ELFN1: variants seen among roughly 807,000 people sequenced by gnomAD.
ELFN1 encodes extracellular leucine rich repeat and fibronectin type III domain containing 1, also known as protein ELFN1.
In ELFN1, 6 loss-of-function variants were observed where a neutral mutation model predicts 7.6. The ratio of observed to expected loss-of-function variants is 0.79; its 90% CI spans 0.43 to 1.56. The LOEUF is 1.56. Ranked by LOEUF, ELFN1 falls within the 40% of genes most tolerant of loss-of-function variation. The pLI, the probability that ELFN1 is intolerant of heterozygous loss-of-function variation, is 0.01. For missense variants in ELFN1, 1,169 were observed against 1,232.2 expected (o/e 0.95, Z 0.77); for synonymous variants, 657 against 588.1 (o/e 1.12, Z -1.70).
upstream of ELFN1, among the ~76,000 whole-genome samples, chr7:1,667,653 A>G (rs1233888268): frequency 4.6e-5 from 7 of 152,070 alleles, no homozygotes; most frequent in Non-Finnish European, 1.0e-4. The surrounding 1 kb of genome is among the most constrained non-coding windows in gnomAD (Gnocchi z 8.2). Flanking sequence ...CCCAGCCCTC[A>G]GGCAGCGTGG....
At chr7:1,712,174 G>GTTTCTTTTCTTTTCT (rs372598967) in intron 3 of ELFN1, among the ~76,000 whole-genome samples, 28 of 152,152 alleles carry the variant, frequency 1.8e-4, no homozygotes, top group African/African-American at 6.8e-4. Flanking sequence ...AAGTTTGTCT[G>GTTTCTTTTCTTTTCT]TTTCTTTTCT....
intron 2 of ELFN1, among the ~76,000 whole-genome samples, chr7:1,690,309 TGGTG>T (rs1470381207): frequency 8.0e-6 from 1 of 125,308 alleles, no homozygotes; most frequent in African/African-American, 3.1e-5. Context: ...ATGGGTGGAT[TGGTG>T]GGTGGGTGGA....
In ELFN1 at chr7:1,712,323, C is replaced by T. The variant is rs1241221329; in HGVS notation, c.-294+3071C>T. 2.6e-5 allele frequency among the ~76,000 whole-genome samples: 4 copies of T among 151,920 alleles called. No homozygotes were observed. The East Asian group carries it at 5.8e-4, about 22-fold the overall frequency. On this transcript the variant is annotated intron_variant, in intron 3 of 3. Coordinates refer to ENST00000424383, the MANE Select transcript of ELFN1 (RefSeq NM_001128636.4). ...TTTTAGTAGAGACGGGGTTTCACCCCGTTAGCCAGGGTGGTCTCGATCTCC... is the reference window on the plus strand; with the variant it reads ...TTTTAGTAGAGACGGGGTTTCACCCTGTTAGCCAGGGTGGTCTCGATCTCC...
intron 3 of ELFN1, among the ~76,000 whole-genome samples, chr7:1,719,001 T>C (rs929718597): frequency 4.6e-5 from 7 of 152,090 alleles, no homozygotes; most frequent in African/African-American, 1.7e-4. Flanking sequence ...CCCAAGAGTG[T>C]CTGGGACCAG....
upstream of ELFN1, among the ~76,000 whole-genome samples, chr7:1,666,240 G>C (rs1778669059): frequency 2.0e-5 from 3 of 151,982 alleles, no homozygotes; most frequent in African/African-American, 7.2e-5. The surrounding 1 kb of genome is among the most constrained non-coding windows in gnomAD (Gnocchi z 7.9). Flanking sequence ...CTGCGGGATC[G>C]GAGGGTCCCC....
Position 1,747,086 on chromosome 7 carries a change from C to A in ELFN1, c.*3C>A, listed in dbSNP as rs1279692586. On this transcript the variant is annotated 3_prime_UTR_variant, in exon 4 of 4. Coordinates refer to ENST00000424383, the MANE Select transcript of ELFN1 (RefSeq NM_001128636.4). ...TGTCGGCCCAGCACAAGTCCTGAGC[C>A]CCCCAAGACCGGCGATGCCCACTGG... is the stretch of plus-strand genomic sequence containing the variant. 1 of 1,473,246 alleles carries A rather than the reference C, an allele frequency of 6.8e-7. No individual in the cohort carries two copies. Among genetic ancestry groups the A allele is most frequent in the Non-Finnish European group, 9.1e-7 (1 of 1,104,818 alleles). The allele number at this position is 1,473,246 out of a possible 1,614,324, so 91.3% of individuals were successfully genotyped here.
At position 1,705,787 on chromosome 7, in the gene ELFN1, G is replaced by T. The variant is rs1779517789; in HGVS notation, c.-455-3304G>T. ...GTAAAGTAGAGTCTTAGTGTCCCGG[G>T]ATGGTCCTCGGGGAGGTCTGATGAG... On this transcript the variant is annotated intron_variant, in intron 2 of 3. Coordinates refer to ENST00000424383, the MANE Select transcript of ELFN1 (RefSeq NM_001128636.4). The surrounding 1 kb of genome is among the most constrained non-coding windows in gnomAD (Gnocchi z 4.3). Among the ~76,000 whole-genome samples the T allele has an allele frequency of 6.6e-6, 1 of 152,212 alleles. No individual in the cohort carries two copies. Among genetic ancestry groups the T allele is most frequent in the Non-Finnish European group, 1.5e-5 (1 of 68,034 alleles).
intron 2 of ELFN1, among the ~76,000 whole-genome samples, chr7:1,694,582 C>G (rs566237856): frequency 2.8e-4 from 43 of 152,306 alleles, no homozygotes; most frequent in Admixed American, 5.2e-4. Context: ...AAGCAGATCC[C>G]AGGGGTACCC....
intron 1 of ELFN1, among the ~76,000 whole-genome samples, chr7:1,677,650 C>T (rs544311448): frequency 2.5e-3 from 383 of 152,252 alleles, no homozygotes; most frequent in African/African-American, 8.9e-3. Flanking sequence ...TCCTGGCCCC[C>T]CCACCCCTTT....
intron 3 of ELFN1, among the ~76,000 whole-genome samples, chr7:1,724,866 G>T (rs1780141854): frequency 1.3e-5 from 2 of 152,316 alleles, no homozygotes; most frequent in South Asian, 4.1e-4. Flanking sequence ...CTTTTGGCCT[G>T]TGTCAGCCTC....
chr7:1,687,891 TTTTA>T (rs1460490165), intron 1 of ELFN1, among the ~76,000 whole-genome samples, 163 bp from the exon 2 acceptor site: 1 of 152,176 alleles, frequency 6.6e-6, no homozygotes, highest in Non-Finnish European at 1.5e-5. Context: ...GTCTTTTTTC[TTTTA>T]TTTGTTTATT....
chr7:1,737,400 G>A (rs1049874352), intron 3 of ELFN1, among the ~76,000 whole-genome samples: 5 of 152,152 alleles, frequency 3.3e-5, no homozygotes, highest in Admixed American at 6.5e-5. Context: ...CACAGCAGGC[G>A]GTAGACTGGC....
chr7:1,693,596 G>A (rs1196505297), intron 2 of ELFN1: 1 of 471,226 alleles, frequency 2.1e-6, no homozygotes, highest in East Asian at 6.9e-5. Context: ...AGAGGGGTCG[G>A]TGTACACCGC....
At chr7:1,674,378 G>T (rs553726896) in intron 1 of ELFN1, among the ~76,000 whole-genome samples, 1 of 152,144 alleles carries the variant, frequency 6.6e-6, no homozygotes, top group Non-Finnish European at 1.5e-5. Flanking sequence ...ACTCAGCCCC[G>T]GTTGCCTCCC....
chr7:1,723,537 C>T (rs1333787301), intron 3 of ELFN1, among the ~76,000 whole-genome samples: 8 of 152,182 alleles, frequency 5.3e-5, no homozygotes, highest in South Asian at 4.1e-4. Flanking sequence ...CGGGCCCACG[C>T]CTCACAAGGT....
At chr7:1,715,062 C>A (rs1209131903) in intron 3 of ELFN1, among the ~76,000 whole-genome samples, 2 of 152,168 alleles carry the variant, frequency 1.3e-5, no homozygotes, top group Non-Finnish European at 2.9e-5. Context: ...AGGGAATACA[C>A]CAGCTAAGTC....
Position 1,670,523 on chromosome 7 carries a change from G to A in ELFN1, c.-549+169G>A, listed in dbSNP as rs1778744024. Among the ~76,000 whole-genome samples the A allele has an allele frequency of 6.6e-6, 1 of 151,752 alleles. No homozygotes were observed. The highest frequency in any genetic ancestry group is 2.4e-5 in the African/African-American group (1 of 41,328). On this transcript the variant is annotated intron_variant, in intron 1 of 3. Transcript: ENST00000424383. This position sits in a 1 kb window ranked among gnomAD's most constrained non-coding sequence, Gnocchi z 6.4. Reference sequence around the variant, plus strand: ...CCCCCAGGCCTGGCGCGCGATCCGAGCGCAGCGGGCAAAGTTGGAGGAACT... The same window carrying A: ...CCCCCAGGCCTGGCGCGCGATCCGAACGCAGCGGGCAAAGTTGGAGGAACT...
At chr7:1,713,118 G>A (rs991822292) in intron 3 of ELFN1, among the ~76,000 whole-genome samples, 1 of 152,184 alleles carries the variant, frequency 6.6e-6, no homozygotes, top group African/African-American at 2.4e-5. Context: ...CCACAGCCTG[G>A]TGGGATCACC....
intron 2 of ELFN1, among the ~76,000 whole-genome samples, chr7:1,703,699 G>A (rs547984461): frequency 2.6e-5 from 4 of 152,276 alleles, no homozygotes; most frequent in Admixed American, 1.3e-4. Flanking sequence ...CATCTTGTGC[G>A]CTGGGATTGA....
Sources: gnomAD v4.1 joint callset for allele counts (sites outside exome capture counted in the v4.1 genomes callset) on GRCh38, gnomAD v4.1.1 for gene constraint, Gnocchi (gnomAD v3.1) non-coding constraint, MANE v1.5 for transcripts, NCBI Gene and HGNC (gene_info 2026-07-23, HGNC 2026-07-21) for gene names.